The following LYN variants were observed in gnomAD, a reference collection of about 807,000 sequenced individuals.
LYN encodes the protein tyrosine-protein kinase Lyn.
Under a neutral mutation model 65.0 loss-of-function variants are expected in LYN, and 12 were observed. The observed-to-expected ratio is 0.18, with a 90% CI of 0.12 to 0.30. The LOEUF is 0.30. Ranked by LOEUF, LYN falls within the 10% of genes least tolerant of loss-of-function variation. LYN has a pLI of 1.00. For synonymous variants in LYN, 222 were observed against 221.2 expected, an observed-to-expected ratio of 1.00 and a Z score of -0.03; for missense variants, 380 against 623.2, an observed-to-expected ratio of 0.61 and a Z score of 4.16.
intron 1 of LYN, among the ~76,000 whole-genome samples, chr8:55,896,017 CAA>C (rs1323576470): frequency 6.6e-6 from 1 of 151,910 alleles, no homozygotes; most frequent in Non-Finnish European, 1.5e-5. Flanking sequence ...TCATTCTTCT[CAA>C]AATGTTATGA....
At chr8:55,984,493 A>G (rs756017441) in intron 10 of LYN, among the ~76,000 whole-genome samples, 1 of 152,208 alleles carries the variant, frequency 6.6e-6, no homozygotes, top group Non-Finnish European at 1.5e-5. Context: ...CCCAACACTC[A>G]AAGTCATTCT....
chr8:55,904,227 T>G (rs1805357630), intron 1 of LYN, among the ~76,000 whole-genome samples: 1 of 152,194 alleles, frequency 6.6e-6, no homozygotes, highest in Non-Finnish European at 1.5e-5. Flanking sequence ...GCTAATACTT[T>G]GTAAATACCA....
Position 56,010,881 on chromosome 8 carries a change from G to A in LYN, c.*771G>A. On this transcript the variant is annotated 3_prime_UTR_variant, in exon 13 of 13. Transcript: ENST00000519728. ...AGAAGAGCCTCAGAAACTGCTCTGT[G>A]TTTAGAAGGAATATTTTTAAGAGTC... 1 of 229,920 alleles carries A rather than the reference G, an allele frequency of 4.3e-6. No homozygotes were observed. Among genetic ancestry groups the A allele is most frequent in the East Asian group, 6.2e-5 (1 of 16,102 alleles). 14.2% of individuals were successfully genotyped at this position (229,920 alleles called of 1,614,324 possible).
At chr8:55,918,352 G>T (rs1272390515) in intron 1 of LYN, among the ~76,000 whole-genome samples, 2 of 152,188 alleles carry the variant, frequency 1.3e-5, no homozygotes, top group Admixed American at 6.5e-5. Context: ...CCCCTGTGGA[G>T]ATGTAAAAAC....
intron 12 of LYN, among the ~76,000 whole-genome samples, chr8:56,007,138 T>C (rs1808696568): frequency 6.6e-6 from 1 of 152,196 alleles, no homozygotes; most frequent in African/African-American, 2.4e-5. Context: ...CATTCTGACC[T>C]TTTATGCAAA....
intron 10 of LYN, among the ~76,000 whole-genome samples, chr8:55,985,056 GA>G (rs915154945): frequency 5.3e-5 from 8 of 152,160 alleles, no homozygotes; most frequent in African/African-American, 1.9e-4. Context: ...CAATAGTCGG[GA>G]AACACTGCCA....
At chr8:55,964,616 C>T (rs1807394013) in intron 8 of LYN, among the ~76,000 whole-genome samples, 1 of 152,274 alleles carries the variant, frequency 6.6e-6, no homozygotes, top group African/African-American at 2.4e-5. Flanking sequence ...CCTACAATCC[C>T]AGCACTTTGG....
At chr8:55,985,979 C>T (rs757598429) in intron 10 of LYN, among the ~76,000 whole-genome samples, 2 of 152,028 alleles carry the variant, frequency 1.3e-5, no homozygotes, top group Non-Finnish European at 2.9e-5. Context: ...CCCGCCTGGG[C>T]AATATAGTGA....
intron 1 of LYN, among the ~76,000 whole-genome samples, chr8:55,924,150 G>A (rs973625130): frequency 3.3e-5 from 5 of 151,094 alleles, no homozygotes; most frequent in Non-Finnish European, 5.9e-5. Flanking sequence ...ATGATCTAAT[G>A]TTGAAACAGC....
intron 10 of LYN, among the ~76,000 whole-genome samples, chr8:55,987,597 G>A (rs1808114931): frequency 6.6e-6 from 1 of 152,000 alleles, no homozygotes; most frequent in Non-Finnish European, 1.5e-5. Flanking sequence ...TTGTATTTTA[G>A]TGGAGACAGG....
intron 1 of LYN, among the ~76,000 whole-genome samples, chr8:55,894,511 A>G (rs1435515053): frequency 6.6e-6 from 1 of 150,978 alleles, no homozygotes; most frequent in Non-Finnish European, 1.5e-5. Flanking sequence ...CTGAGACTAC[A>G]GGCATGTGCC....
At chr8:55,995,404 C>T (rs1330157327) in intron 10 of LYN, among the ~76,000 whole-genome samples, 1 of 152,192 alleles carries the variant, frequency 6.6e-6, no homozygotes, top group African/African-American at 2.4e-5. Context: ...TCCAAACCTG[C>T]CCTGTCCTTT....
chr8:55,880,594 T>G (rs886598106), intron 1 of LYN, among the ~76,000 whole-genome samples: 1 of 152,038 alleles, frequency 6.6e-6, no homozygotes, highest in African/African-American at 2.4e-5. Context: ...CAGTGGGAGA[T>G]GGGGCTCGGC....
intron 6 of LYN, among the ~76,000 whole-genome samples, chr8:55,951,257 GAGAAA>G (rs976039645): frequency 6.6e-5 from 10 of 150,968 alleles, no homozygotes; most frequent in Admixed American, 1.3e-4. Flanking sequence ...AAAAAAAAAA[GAGAAA>G]AGAAAAGAAA....
intron 1 of LYN, among the ~76,000 whole-genome samples, chr8:55,896,694 T>C (rs1585571454): frequency 6.6e-6 from 1 of 152,064 alleles, no homozygotes; most frequent in East Asian, 1.9e-4. Context: ...ATAAAAACCA[T>C]ACCTAATTTA....
chr8:55,949,171 T>C (rs1806868514), intron 4 of LYN, among the ~76,000 whole-genome samples: 1 of 152,234 alleles, frequency 6.6e-6, no homozygotes, highest in Non-Finnish European at 1.5e-5. Context: ...TCCATCTCTA[T>C]GATAACTAGA....
At chr8:55,889,099 C>A (rs957829629) in intron 1 of LYN, among the ~76,000 whole-genome samples, 4 of 152,168 alleles carry the variant, frequency 2.6e-5, no homozygotes, top group African/African-American at 9.7e-5. Context: ...CTCACTGCAA[C>A]CTCCACCTCC....
At chr8:55,962,106 T>C (rs938245640) in intron 8 of LYN, among the ~76,000 whole-genome samples, 9 of 152,254 alleles carry the variant, frequency 5.9e-5, no homozygotes, top group Non-Finnish European at 1.2e-4. Flanking sequence ...GCATCCATGC[T>C]TTTGGGTGTG....
chr8:55,937,134 T>A (rs541136953), intron 1 of LYN, among the ~76,000 whole-genome samples: 1 of 152,356 alleles, frequency 6.6e-6, no homozygotes. Context: ...TGTTGTGAAT[T>A]GTATAGTGTC....
Sources: allele counts gnomAD v4.1 joint callset (sites outside exome capture counted in the v4.1 genomes callset), GRCh38; gene constraint gnomAD v4.1.1; transcripts MANE v1.5; gene names NCBI Gene and HGNC (gene_info 2026-07-23, HGNC 2026-07-21).